The following MALRD1 variants were observed in gnomAD, a reference collection of about 807,000 sequenced individuals.
MALRD1 encodes MAM and LDL-receptor class A domain-containing protein 1.
In MALRD1, 247 loss-of-function variants were observed where a neutral mutation model predicts 242.1. The observed-to-expected ratio is 1.02, with a 90% CI of 0.92 to 1.13. The LOEUF (loss-of-function observed/expected upper bound fraction) is 1.13. Ranked by LOEUF, MALRD1 falls within the 50% of genes most tolerant of loss-of-function variation. MALRD1 has a pLI of 0.00. For missense variants in MALRD1, 2,989 were observed against 2,533.1 expected (o/e 1.18, Z -3.86); for synonymous variants, 995 against 866.6 (o/e 1.15, Z -2.60).
chr10:19,259,840 C>G (rs566692048), intron 19 of MALRD1, among the ~76,000 whole-genome samples: 4 of 152,242 alleles, frequency 2.6e-5, no homozygotes, highest in Non-Finnish European at 5.9e-5. Context: ...AACACAGTTT[C>G]TTTCTTATCT....
intron 19 of MALRD1, among the ~76,000 whole-genome samples, chr10:19,276,143 G>A (rs1840512282): frequency 6.6e-6 from 1 of 152,164 alleles, no homozygotes; most frequent in Non-Finnish European, 1.5e-5. Flanking sequence ...CAGCTTGGAT[G>A]AGCATGTGCT....
intron 10 of MALRD1, among the ~76,000 whole-genome samples, chr10:19,143,387 G>A (rs1250904597): frequency 6.6e-6 from 1 of 152,162 alleles, no homozygotes; most frequent in Non-Finnish European, 1.5e-5. Context: ...TCACACCATT[G>A]CCTTGTTGGG....
At chr10:19,546,703 T>C (rs1485742898) in intron 32 of MALRD1, among the ~76,000 whole-genome samples, 2 of 152,232 alleles carry the variant, frequency 1.3e-5, no homozygotes, top group Non-Finnish European at 2.9e-5. Context: ...TCAGTTCTGT[T>C]TATGTATTTT....
rs1450750248 is a variant in MALRD1 at position 19,091,722 on chromosome 10, C to T, written c.597+3537C>T. 8.9e-5 allele frequency among the ~76,000 whole-genome samples: 8 copies of T among 89,868 alleles called. 2 individuals carry two copies. Among genetic ancestry groups the T allele is most frequent in the African/African-American group, 1.5e-4 (3 of 19,748 alleles). The allele number at this position is 89,868 out of a possible 152,430, so 59.0% of individuals were successfully genotyped here. ...GATCTTTCCTGCTTTCTCTTGTAGG[C>T]ATTTAGTGCTATAAATTTCCCTGTA... On this transcript the variant is annotated intron_variant, in intron 4 of 39. Transcript: ENST00000454679.
intron 33 of MALRD1, among the ~76,000 whole-genome samples, chr10:19,593,111 C>A (rs1452512379): frequency 6.6e-6 from 1 of 151,948 alleles, no homozygotes; most frequent in Non-Finnish European, 1.5e-5. Context: ...AGAAGAGCTA[C>A]ATATAAAAGT....
chr10:19,161,980 A>G (rs932582991), intron 12 of MALRD1, among the ~76,000 whole-genome samples: 3 of 152,174 alleles, frequency 2.0e-5, no homozygotes, highest in Non-Finnish European at 4.4e-5. Context: ...GTGAGCCGTG[A>G]TCACGCCACT....
intron 2 of MALRD1, among the ~76,000 whole-genome samples, chr10:19,082,381 T>A (rs1369002324): frequency 6.6e-6 from 1 of 151,568 alleles, no homozygotes; most frequent in Non-Finnish European, 1.5e-5. Flanking sequence ...GTTATTATTA[T>A]TGATTTTTAT....
At chr10:19,411,311 AACT>A (rs1280195013) in intron 28 of MALRD1, among the ~76,000 whole-genome samples, 3 of 152,174 alleles carry the variant, frequency 2.0e-5, no homozygotes, top group African/African-American at 7.2e-5. Context: ...TAGTTCCAAA[AACT>A]ACCACTAGCA....
Position 19,117,908 on chromosome 10 carries a change from G to A in MALRD1, c.695-5584G>A, listed in dbSNP as rs73591916. ...CAAGTATACATTGAGCACCTATTAT[G>A]CCAATAAGTTTTTTAGATAGTCGTG... is the stretch of plus-strand genomic sequence containing the variant. On this transcript the variant is annotated intron_variant, in intron 5 of 39. Transcript: ENST00000454679. Among the ~76,000 whole-genome samples the A allele has an allele frequency of 3.0e-3, 460 of 152,198 alleles. 3 individuals carry two copies. Among genetic ancestry groups the A allele is most frequent in the African/African-American group, 0.011 (444 of 41,528 alleles).
In MALRD1 at chr10:19,300,743, A is replaced by G. The variant is rs150639599; in HGVS notation, c.3419+17562A>G. On this transcript the variant is annotated intron_variant, in intron 21 of 39. Transcript: ENST00000454679. Reference sequence around the variant, plus strand: ...ATTAAAACACTTAAATGTAAAACCTAAAACTATAGAATCCTTAGAAGAAAT... The same window carrying G: ...ATTAAAACACTTAAATGTAAAACCTGAAACTATAGAATCCTTAGAAGAAAT... Among the ~76,000 whole-genome samples the G allele has an allele frequency of 3.0e-3, 450 of 152,182 alleles. 3 individuals carry two copies. The highest frequency in any genetic ancestry group is 0.011 in the African/African-American group (437 of 41,534).
intron 26 of MALRD1, among the ~76,000 whole-genome samples, chr10:19,370,977 T>G (rs1467725577): frequency 6.6e-6 from 1 of 151,618 alleles, no homozygotes; most frequent in African/African-American, 2.4e-5. Context: ...TTTTCAAAAT[T>G]TAGGGCTTTT....
intron 34 of MALRD1, chr10:19,598,246 C>T (rs1838196975): frequency 6.6e-6 from 1 of 152,062 alleles, no homozygotes; most frequent in Admixed American, 6.6e-5. Flanking sequence ...CAGTGACTTC[C>T]AAGACTGTGC....
chr10:19,550,459 C>G (rs1178785386), intron 32 of MALRD1, among the ~76,000 whole-genome samples: 1 of 151,886 alleles, frequency 6.6e-6, no homozygotes, highest in Non-Finnish European at 1.5e-5. Flanking sequence ...TAACTAGTAC[C>G]AATTAATTAT....
intron 36 of MALRD1, among the ~76,000 whole-genome samples, chr10:19,649,481 G>T (rs1449620519): frequency 6.6e-6 from 1 of 152,140 alleles, no homozygotes; most frequent in African/African-American, 2.4e-5. Flanking sequence ...TTTCTCTAAT[G>T]ATCAGTGATA....
chr10:19,418,248 G>C (rs578049015), intron 28 of MALRD1, among the ~76,000 whole-genome samples: 499 of 151,658 alleles, frequency 3.3e-3, no homozygotes, highest in Admixed American at 5.0e-3. Context: ...CTAGATAATA[G>C]ATCAAATATG....
rs57243552 is a variant in MALRD1 at position 19,103,996 on chromosome 10, A to G, written c.615A>G (p.Gln205=). The G allele has an allele frequency of 0.051, 63,147 of 1,233,286 alleles. 2,970 individuals carry two copies. Among genetic ancestry groups the G allele is most frequent in the East Asian group, 0.3 (9,505 of 31,658 alleles). The allele number at this position is 1,233,286 out of a possible 1,614,324, so 76.4% of individuals were successfully genotyped here. A position where few individuals can be genotyped will look rare whatever the true frequency, so the allele number is the denominator to read the frequency against. Residue 205 remains glutamine (Q), a synonymous_variant, in exon 5 of 40, where the codon CAA becomes CAG. Transcript: ENST00000454679. ...TGGTGCAGGTTGTTTTTGAAGGTCA[A>G]ATGGCTTCAACGTATGAACAGGATG... ...SQRFQVVFEG[Q]MASTYEQDEV...
At chr10:19,475,981 C>T (rs1201317839) in intron 29 of MALRD1, among the ~76,000 whole-genome samples, 1 of 152,182 alleles carries the variant, frequency 6.6e-6, no homozygotes, top group Non-Finnish European at 1.5e-5. Context: ...ATTATTGTTG[C>T]CGCTCCTCTC....
intron 36 of MALRD1, among the ~76,000 whole-genome samples, chr10:19,648,911 C>A (rs1301964004): frequency 1.3e-5 from 2 of 152,174 alleles, no homozygotes; most frequent in Non-Finnish European, 2.9e-5. Flanking sequence ...CTCAAGTAGA[C>A]CCTGGTGCCC....
rs147466010 is a variant in MALRD1, at chr10:19,068,107, G to A, written c.340+1248G>A. Among the ~76,000 whole-genome samples the A allele has an allele frequency of 1.6e-3, 249 of 152,144 alleles. 1 individual carries two copies. Among genetic ancestry groups the A allele is most frequent in the Middle Eastern group, 0.01 (3 of 294 alleles). On this transcript the variant is annotated intron_variant, in intron 2 of 39. Coordinates refer to ENST00000454679, the MANE Select transcript of MALRD1 (RefSeq NM_001142308.3). ...GGCCATTGCAGTCTTACAGATTGCT[G>A]ATTCCATATGTCTCTCCTTTGTTTC...
Sources: allele counts gnomAD v4.1 joint callset (sites outside exome capture counted in the v4.1 genomes callset), GRCh38; gene constraint gnomAD v4.1.1; transcripts MANE v1.5; gene names NCBI Gene and HGNC (gene_info 2026-07-23, HGNC 2026-07-21).